The following CAP2 variants were observed in gnomAD, a reference collection of about 807,000 sequenced individuals.
The protein encoded by CAP2 is cyclase associated actin cytoskeleton regulatory protein 2.
CAP2 carries 24 observed loss-of-function variants against 57.7 expected under a neutral mutation model. The observed-to-expected ratio is 0.42, with a 90% confidence interval of 0.30 to 0.58. The LOEUF is 0.58. Ranked by LOEUF, CAP2 falls within the 20% of genes least tolerant of loss-of-function variation. The pLI, the probability that CAP2 is intolerant of heterozygous loss-of-function variation, is 0.22. For missense variants in CAP2, 501 were observed against 590.3 expected, an observed-to-expected ratio of 0.85 and a Z score of 1.57; for synonymous variants, 194 against 207.2, an observed-to-expected ratio of 0.94 and a Z score of 0.55.
chr6:17,515,331 A>G (rs1762251895), intron 7 of CAP2, among the ~76,000 whole-genome samples: 1 of 152,242 alleles, frequency 6.6e-6, no homozygotes, highest in African/African-American at 2.4e-5. Flanking sequence ...GCTAGAGACC[A>G]CTATCCTAAG....
intron 1 of CAP2, 47 bp downstream of exon 1, chr6:17,393,793 G>T (rs1157983065): frequency 6.5e-6 from 1 of 152,990 alleles, no homozygotes; most frequent in East Asian, 1.9e-4. Flanking sequence ...AGGGGTCGGG[G>T]TGCAGGTGCG....
In CAP2 at chr6:17,493,917, C is replaced by T. The variant is rs150643324; in HGVS notation, c.301-13252C>T. 2.1e-3 allele frequency among the ~76,000 whole-genome samples: 317 copies of T among 152,318 alleles called. 2 individuals carry two copies. Among genetic ancestry groups the T allele is most frequent in the Non-Finnish European group, 3.7e-3 (254 of 68,040 alleles). On this transcript the variant is annotated intron_variant, in intron 4 of 12. Coordinates refer to ENST00000229922, the MANE Select transcript of CAP2 (RefSeq NM_006366.3). The stretch of plus-strand genomic sequence containing the variant: ...CTGGTCTTTGCGCTAAAGCCTGCTC[C>T]TTCTGCCATTTCCCCCATCTCAGTT...
At chr6:17,395,883 G>A (rs1053077039) in intron 1 of CAP2, among the ~76,000 whole-genome samples, 1 of 152,034 alleles carries the variant, frequency 6.6e-6, no homozygotes, top group African/African-American at 2.4e-5. Flanking sequence ...AGAATGGGAG[G>A]AAATATTTAG....
chr6:17,398,310 A>C (rs780465108), intron 1 of CAP2, among the ~76,000 whole-genome samples: 16 of 152,078 alleles, frequency 1.1e-4, no homozygotes, highest in Non-Finnish European at 4.4e-5. Flanking sequence ...GTGGTCTAGT[A>C]TTTCCGATGT....
intron 1 of CAP2, among the ~76,000 whole-genome samples, chr6:17,419,326 A>G (rs1759368944): frequency 6.6e-6 from 1 of 152,240 alleles, no homozygotes; most frequent in Admixed American, 6.5e-5. Flanking sequence ...AGTGTCTCTG[A>G]TTCAGAAGCA....
chr6:17,526,969 A>G (rs866007244), intron 7 of CAP2, among the ~76,000 whole-genome samples: 2 of 150,368 alleles, frequency 1.3e-5, no homozygotes, highest in Admixed American at 6.6e-5. Flanking sequence ...AAAAAAAAAA[A>G]AAAAAAAAAG....
chr6:17,523,022 C>G (rs1473726420), intron 7 of CAP2, among the ~76,000 whole-genome samples: 1 of 152,194 alleles, frequency 6.6e-6, no homozygotes, highest in Non-Finnish European at 1.5e-5. Flanking sequence ...GTGTGAGCCA[C>G]CGTACCCAGC....
intron 3 of CAP2, among the ~76,000 whole-genome samples, chr6:17,455,279 T>G: frequency 9.6e-6 from 1 of 104,492 alleles, no homozygotes; most frequent in African/African-American, 3.3e-5. Flanking sequence ...GCTCTACTGG[T>G]AAGGAAAAAA....
intron 4 of CAP2, among the ~76,000 whole-genome samples, chr6:17,498,739 AT>A (rs1338346298): frequency 1.3e-5 from 2 of 151,834 alleles, no homozygotes; most frequent in African/African-American, 4.8e-5. Flanking sequence ...ATTTATTTAT[AT>A]TTTTTTGAGA....
intron 5 of CAP2, 107 bp downstream of exon 5, chr6:17,507,419 T>C: frequency 8.2e-7 from 1 of 1,219,902 alleles, no homozygotes; most frequent in Non-Finnish European, 1.2e-6. Context: ...AGGAAGCTTC[T>C]TCCTGGGCTG....
At chr6:17,449,029 T>C (rs1581528309) in intron 3 of CAP2, among the ~76,000 whole-genome samples, 1 of 152,220 alleles carries the variant, frequency 6.6e-6, no homozygotes, top group Admixed American at 6.5e-5. Flanking sequence ...CCCAAAGTGT[T>C]GGGATTACAG....
intron 3 of CAP2, among the ~76,000 whole-genome samples, chr6:17,432,841 T>C (rs2113548609): frequency 6.6e-6 from 1 of 151,938 alleles, no homozygotes; most frequent in Non-Finnish European, 1.5e-5. Context: ...TACTTCCTTC[T>C]CTCCTTTTGT....
intron 3 of CAP2, among the ~76,000 whole-genome samples, chr6:17,462,076 A>C (rs1760745940): frequency 6.6e-6 from 1 of 151,660 alleles, no homozygotes; most frequent in Admixed American, 6.6e-5. Flanking sequence ...AAAATTAACA[A>C]ATTAGTTGAA....
intron 4 of CAP2, among the ~76,000 whole-genome samples, chr6:17,492,891 T>C (rs1037519796): frequency 2.6e-5 from 4 of 152,182 alleles, no homozygotes; most frequent in Non-Finnish European, 5.9e-5. Context: ...CGCAAGTCCC[T>C]AGGACTATGC....
Position 17,556,420 on chromosome 6 carries a change from A to G in CAP2, c.1412A>G (p.Glu471Gly), listed in dbSNP as rs755881951. 4.3e-6 allele frequency: 7 copies of G among 1,613,254 alleles called. No homozygotes were observed. The highest frequency in any genetic ancestry group is 5.9e-6 in the Non-Finnish European group (7 of 1,179,164). ...TAWDGSKLIT[E>G]PAEIMA ...TGGGATGGATCCAAGTTAATCACTG[A>G]ACCTGCAGAAATTATGGCCTAACTT... Residue 471 changes from glutamate to glycine, a missense_variant, in exon 13 of 13, where the codon GAA becomes GGA. By Grantham distance (98) the Glu-to-Gly change is moderately conservative (BLOSUM62 -2). Transcript: ENST00000229922.
intron 7 of CAP2, chr6:17,530,940 C>G: frequency 6.5e-7 from 1 of 1,547,720 alleles, no homozygotes; most frequent in Non-Finnish European, 8.8e-7. Context: ...CTCCCTGTTG[C>G]CAGCATCTCC....
At chr6:17,398,300 G>A (rs1461829089) in intron 1 of CAP2, among the ~76,000 whole-genome samples, 1 of 152,058 alleles carries the variant, frequency 6.6e-6, no homozygotes, top group Non-Finnish European at 1.5e-5. Flanking sequence ...ATCCTGCGGA[G>A]TGGTCTAGTA....
rs532319223 is a variant in CAP2 at position 17,478,312 on chromosome 6, T to C, written c.300+15239T>C. On this transcript the variant is annotated intron_variant, in intron 4 of 12. Coordinates refer to ENST00000229922, the MANE Select transcript of CAP2 (RefSeq NM_006366.3). ...ACTACACCTACTTTTTTTTTTTTTT[T>C]TTTTTGTATTTTTAGTAGAGACAGG... is the stretch of plus-strand genomic sequence containing the variant. Among the ~76,000 whole-genome samples, 159 of 146,954 alleles carry C rather than the reference T, an allele frequency of 1.1e-3. 4 individuals are homozygous for C. The East Asian group carries it at 0.029, about 27-fold the overall frequency.
intron 3 of CAP2, among the ~76,000 whole-genome samples, chr6:17,454,906 CT>C (rs1406720890): frequency 6.6e-6 from 1 of 152,072 alleles, no homozygotes; most frequent in Non-Finnish European, 1.5e-5. Flanking sequence ...TTTATTTTTT[CT>C]AGACATTCAT....
Sources: gnomAD v4.1 joint callset for allele counts (sites outside exome capture counted in the v4.1 genomes callset) on GRCh38, gnomAD v4.1.1 for gene constraint, MANE v1.5 for transcripts, NCBI Gene and HGNC (gene_info 2026-07-23, HGNC 2026-07-21) for gene names.